STXBP4: variants seen among roughly 807,000 people sequenced by gnomAD.
STXBP4 encodes syntaxin-binding protein 4.
A neutral mutation model predicts 76.1 loss-of-function variants in STXBP4; 55 were observed. The ratio of observed to expected loss-of-function variants is 0.72; its 90% CI spans 0.58 to 0.91. STXBP4 has a LOEUF of 0.91. Ranked by LOEUF, STXBP4 falls within the 40% of genes least tolerant of loss-of-function variation. The probability of loss-of-function intolerance (pLI) is 0.00; values close to 1 mark genes in which losing one functional copy is unlikely to be tolerated. For missense variants in STXBP4, 618 were observed against 636.9 expected, an observed-to-expected ratio of 0.97 and a Z score of 0.32; for synonymous variants, 201 against 220.2, an observed-to-expected ratio of 0.91 and a Z score of 0.77.
chr17:55,090,782 C>G (rs1253260577), intron 16 of STXBP4, among the ~76,000 whole-genome samples: 3 of 151,726 alleles, frequency 2.0e-5, no homozygotes, highest in Non-Finnish European at 4.4e-5. Flanking sequence ...GAAGAGGGAT[C>G]TCATGCTAAA....
intron 8 of STXBP4, among the ~76,000 whole-genome samples, chr17:55,013,955 G>T (rs900249596): frequency 3.3e-5 from 5 of 152,132 alleles, no homozygotes; most frequent in African/African-American, 1.2e-4. Flanking sequence ...CTGGTATTTG[G>T]GAAAGCAGAG....
At chr17:55,004,787 A>G (rs2077978354) in intron 7 of STXBP4, among the ~76,000 whole-genome samples, 2 of 151,916 alleles carry the variant, frequency 1.3e-5, no homozygotes, top group African/African-American at 4.8e-5. Context: ...AAGGAGAAGG[A>G]AAAGAAGTGG....
chr17:55,118,946 A>G (rs1321581899), intron 16 of STXBP4, among the ~76,000 whole-genome samples: 1 of 149,180 alleles, frequency 6.7e-6, no homozygotes, highest in African/African-American at 2.4e-5. Context: ...ACTGATTTAT[A>G]TATATATATA....
the STXBP4 span, among the ~76,000 whole-genome samples, chr17:55,181,838 AAC>A: frequency 2.0e-5 from 3 of 152,190 alleles, no homozygotes; most frequent in African/African-American, 7.2e-5. Flanking sequence ...CAGAAATTTT[AAC>A]AGATTCATTA....
At chr17:54,972,473 C>T (rs2077414897) in intron 1 of STXBP4, among the ~76,000 whole-genome samples, 1 of 152,164 alleles carries the variant, frequency 6.6e-6, no homozygotes. Context: ...TCAATATAGA[C>T]TCATGACTTC....
intron 4 of STXBP4, among the ~76,000 whole-genome samples, chr17:54,996,892 AG>A (rs2077813757): frequency 6.6e-6 from 1 of 152,254 alleles, no homozygotes; most frequent in South Asian, 2.1e-4. Flanking sequence ...AGAAATGAAT[AG>A]TACTGGTCGT....
At chr17:55,187,893 GC>G in the STXBP4 span, among the ~76,000 whole-genome samples, 1 of 152,172 alleles carries the variant, frequency 6.6e-6, no homozygotes, top group Non-Finnish European at 1.5e-5. Flanking sequence ...TGACAGAAGA[GC>G]CCAGAAAGCT....
chr17:55,032,802 A>G (rs1354218262), intron 9 of STXBP4, among the ~76,000 whole-genome samples: 1 of 152,168 alleles, frequency 6.6e-6, no homozygotes. Context: ...TTATTACTAT[A>G]GGCAGAAGAC....
At chr17:55,145,346 C>A (rs1231133959) in intron 17 of STXBP4, among the ~76,000 whole-genome samples, 1 of 152,162 alleles carries the variant, frequency 6.6e-6, no homozygotes, top group Non-Finnish European at 1.5e-5. Context: ...TGCTCTCTCA[C>A]CTCTACTTAA....
chr17:54,975,704 C>T (rs1220662097), intron 1 of STXBP4, among the ~76,000 whole-genome samples: 2 of 152,092 alleles, frequency 1.3e-5, no homozygotes, highest in Non-Finnish European at 2.9e-5. Flanking sequence ...TACCATAGCC[C>T]ATAAGACCCT....
At chr17:55,014,916 T>G (rs1481075410) in intron 8 of STXBP4, among the ~76,000 whole-genome samples, 1 of 147,414 alleles carries the variant, frequency 6.8e-6, no homozygotes, top group African/African-American at 2.5e-5. Flanking sequence ...AGTGGTGGCC[T>G]TTTTTTTTTG....
At chr17:55,142,300 C>T (rs987278273) in intron 17 of STXBP4, among the ~76,000 whole-genome samples, 4 of 152,174 alleles carry the variant, frequency 2.6e-5, no homozygotes, top group Non-Finnish European at 5.9e-5. Flanking sequence ...TCCCAACAGA[C>T]TCCTAAGAGC....
intron 16 of STXBP4, among the ~76,000 whole-genome samples, chr17:55,109,311 C>T (rs945682424): frequency 6.6e-6 from 1 of 152,036 alleles, no homozygotes; most frequent in African/African-American, 2.4e-5. Flanking sequence ...GGTTGTCTAT[C>T]ATATATGCCA....
At chr17:55,137,871 C>T (rs1236274465) in intron 16 of STXBP4, among the ~76,000 whole-genome samples, 1 of 152,092 alleles carries the variant, frequency 6.6e-6, no homozygotes, top group Non-Finnish European at 1.5e-5. Flanking sequence ...TGTCTCTTCA[C>T]ACCATCAATG....
intron 12 of STXBP4, among the ~76,000 whole-genome samples, chr17:55,065,082 A>T (rs2079034934): frequency 6.6e-6 from 1 of 152,180 alleles, no homozygotes; most frequent in African/African-American, 2.4e-5. Context: ...TAGGGTCTGT[A>T]TGGGGCTATC....
chr17:55,197,466 A>G, the STXBP4 span, among the ~76,000 whole-genome samples: 39 of 152,370 alleles, frequency 2.6e-4, no homozygotes, highest in East Asian at 1.7e-3. Context: ...CTGAGTGGCC[A>G]GGCGCTGTGG....
chr17:55,195,686 C>G, the STXBP4 span, among the ~76,000 whole-genome samples: 1 of 152,182 alleles, frequency 6.6e-6, no homozygotes, highest in Non-Finnish European at 1.5e-5. Context: ...TCCTCCCATC[C>G]TGGCCTTTCA....
At chr17:55,125,667 G>A (rs2079902660) in intron 16 of STXBP4, among the ~76,000 whole-genome samples, 1 of 152,062 alleles carries the variant, frequency 6.6e-6, no homozygotes, top group South Asian at 2.1e-4. Context: ...TACCCTGGGT[G>A]CACCTCCCTC....
rs1598262553 is a variant in STXBP4 at position 55,047,168 on chromosome 17, T to C, written c.1011+14T>C. The C allele has an allele frequency of 1.3e-6, 2 of 1,528,584 alleles. No homozygotes were observed. The highest frequency in any genetic ancestry group is 1.5e-5 in the African/African-American group (1 of 68,446). The allele number at this position is 1,528,584 out of a possible 1,614,324, so 94.7% of individuals were successfully genotyped here. Reference sequence around the variant, plus strand: ...AATGTGAAACAAGTAAGTATATGTATTGTGTATATATGTGCTCGTGTGTGT... The same window carrying C: ...AATGTGAAACAAGTAAGTATATGTACTGTGTATATATGTGCTCGTGTGTGT... On this transcript the variant is annotated intron_variant, in intron 12 of 17. Coordinates refer to ENST00000376352, the MANE Select transcript of STXBP4 (RefSeq NM_178509.6).
Sources: gnomAD v4.1 joint callset for allele counts (sites outside exome capture counted in the v4.1 genomes callset) on GRCh38, gnomAD v4.1.1 for gene constraint, MANE v1.5 for transcripts, NCBI Gene and HGNC (gene_info 2026-07-23, HGNC 2026-07-21) for gene names.